Variants in CADM2 observed in about 807,000 individuals in gnomAD.
CADM2 encodes the protein immunoglobulin superfamily member 4D.
CADM2 carries 12 observed loss-of-function variants against 49.8 expected under a neutral mutation model. The ratio of observed to expected loss-of-function variants is 0.24; its 90% CI spans 0.15 to 0.39. CADM2 has a LOEUF of 0.39. Among genes scored for constraint, CADM2 ranks in the 10% least tolerant of loss-of-function variants. The probability of loss-of-function intolerance (pLI) is 1.00; values close to 1 mark genes in which losing one functional copy is unlikely to be tolerated. For synonymous variants in CADM2, 214 were observed against 175.4 expected (o/e 1.22, Z -1.74); for missense variants, 378 against 492.3 (o/e 0.77, Z 2.20).
intron 1 of CADM2, among the ~76,000 whole-genome samples, chr3:85,690,820 G>A (rs55745234): frequency 0.42 from 63,837 of 151,864 alleles, 13,472 homozygotes; most frequent in South Asian, 0.49. Context: ...CATATTTATG[G>A]TACAGTGCGA....
At chr3:85,615,114 CTTTA>C (rs1196230555) in intron 1 of CADM2, among the ~76,000 whole-genome samples, 1 of 151,692 alleles carries the variant, frequency 6.6e-6, no homozygotes, top group Non-Finnish European at 1.5e-5. Flanking sequence ...TTCTCATACT[CTTTA>C]TTTATTTATA....
At chr3:85,394,985 T>C (rs1026168034) in intron 1 of CADM2, among the ~76,000 whole-genome samples, 3 of 152,154 alleles carry the variant, frequency 2.0e-5, no homozygotes, top group South Asian at 4.1e-4. Context: ...TAACATTTAA[T>C]GTATGATACT....
intron 1 of CADM2, among the ~76,000 whole-genome samples, chr3:85,641,272 T>C (rs1334219764): frequency 6.6e-6 from 1 of 152,174 alleles, no homozygotes; most frequent in African/African-American, 2.4e-5. Flanking sequence ...GAAAATATTT[T>C]TCCAATTCAG....
intron 1 of CADM2, among the ~76,000 whole-genome samples, chr3:85,639,455 T>G (rs1454463281): frequency 6.6e-6 from 1 of 152,164 alleles, no homozygotes; most frequent in Non-Finnish European, 1.5e-5. Flanking sequence ...TGAAACAAAC[T>G]TCTCCATCAC....
At chr3:85,053,200 G>C (rs1576122001) in intron 1 of CADM2, among the ~76,000 whole-genome samples, 1 of 152,128 alleles carries the variant, frequency 6.6e-6, no homozygotes, top group African/African-American at 2.4e-5. Context: ...AAAGTTTGAA[G>C]TTACTATAAG....
chr3:85,592,493 G>A (rs2063133973), intron 1 of CADM2, among the ~76,000 whole-genome samples: 1 of 151,936 alleles, frequency 6.6e-6, no homozygotes, highest in Admixed American at 6.6e-5. Context: ...CTTAGTAACT[G>A]AACAGAACTT....
At chr3:85,926,338 A>G (rs998466848) in intron 6 of CADM2, among the ~76,000 whole-genome samples, 16 of 152,002 alleles carry the variant, frequency 1.1e-4, no homozygotes, top group African/African-American at 3.6e-4. Flanking sequence ...TTAGATGTTA[A>G]TTGCTATTCT....
rs752550127 is a variant in CADM2 at position 85,897,241 on chromosome 3, C to CTTTTTTTT, written c.529+10946_529+10953dup. 2.4e-3 allele frequency among the ~76,000 whole-genome samples: 110 copies of CTTTTTTTT among 45,928 alleles called. 25 individuals carry two copies. The highest frequency in any genetic ancestry group is 3.5e-3 in the East Asian group (5 of 1,414). The allele number at this position is 45,928 out of a possible 152,430, so 30.1% of individuals were successfully genotyped here. The stretch of plus-strand genomic sequence containing the variant: ...CAACAATAATTGCTTTAACCTACAT[C>CTTTTTTTT]TTTTTTTTTTTTTTTTTTTTTTTTT... On this transcript the variant is annotated intron_variant, in intron 5 of 9. Transcript: ENST00000383699.
chr3:85,489,298 C>T (rs1386968966), intron 1 of CADM2, among the ~76,000 whole-genome samples: 1 of 152,044 alleles, frequency 6.6e-6, no homozygotes, highest in Non-Finnish European at 1.5e-5. Flanking sequence ...TGTGATTAGA[C>T]TGATGGAGAA....
chr3:85,428,349 T>A (rs2036509139), intron 1 of CADM2, among the ~76,000 whole-genome samples: 1 of 146,286 alleles, frequency 6.8e-6, no homozygotes, highest in Non-Finnish European at 1.5e-5. Flanking sequence ...TATTTTCATA[T>A]ATTCATATAT....
chr3:85,655,625 T>A (rs2065174455), intron 1 of CADM2, among the ~76,000 whole-genome samples: 2 of 152,166 alleles, frequency 1.3e-5, no homozygotes, highest in Admixed American at 1.3e-4. Flanking sequence ...TGAGAATTCT[T>A]GTACAGATGG....
chr3:85,218,220 G>A (rs913716131), intron 1 of CADM2, among the ~76,000 whole-genome samples: 4 of 152,072 alleles, frequency 2.6e-5, no homozygotes, highest in Admixed American at 6.6e-5. Context: ...TCACCTGGAA[G>A]TGAGTTATAT....
chr3:85,470,305 G>A (rs1397168860), intron 1 of CADM2, among the ~76,000 whole-genome samples: 1 of 152,130 alleles, frequency 6.6e-6, no homozygotes, highest in Admixed American at 6.5e-5. Flanking sequence ...GCAAGCAAGG[G>A]CCATGTGGTC....
At chr3:85,668,019 A>T (rs1386999232) in intron 1 of CADM2, among the ~76,000 whole-genome samples, 1 of 152,072 alleles carries the variant, frequency 6.6e-6, no homozygotes, top group Non-Finnish European at 1.5e-5. Context: ...GTTGACTCAT[A>T]GTAGACCTTC....
chr3:85,797,000 A>G (rs900300745), intron 2 of CADM2, among the ~76,000 whole-genome samples: 4 of 151,988 alleles, frequency 2.6e-5, no homozygotes, highest in South Asian at 2.1e-4. Context: ...GAGGCTGAGC[A>G]GGAGAATCAC....
At chr3:85,733,752 A>G (rs1253793600) in intron 2 of CADM2, among the ~76,000 whole-genome samples, 1 of 152,190 alleles carries the variant, frequency 6.6e-6, no homozygotes, top group African/African-American at 2.4e-5. Flanking sequence ...TCATTTCTAC[A>G]ATAAATAAAT....
At chr3:86,051,337 G>A (rs937702174) in intron 8 of CADM2, among the ~76,000 whole-genome samples, 2 of 152,098 alleles carry the variant, frequency 1.3e-5, no homozygotes, top group Non-Finnish European at 2.9e-5. Context: ...CCTCAGCCTG[G>A]AGTTCATTGT....
chr3:85,995,471 T>C (rs1362455830), intron 8 of CADM2, among the ~76,000 whole-genome samples: 5 of 152,148 alleles, frequency 3.3e-5, no homozygotes, highest in African/African-American at 1.2e-4. Flanking sequence ...ATAATACCCC[T>C]GAATAATTTT....
intron 3 of CADM2, among the ~76,000 whole-genome samples, chr3:85,805,987 C>A (rs2072388019): frequency 6.6e-6 from 1 of 152,168 alleles, no homozygotes; most frequent in African/African-American, 2.4e-5. Flanking sequence ...GATTTTCAAA[C>A]ACAGTCTTCC....
Sources: allele counts gnomAD v4.1 joint callset (sites outside exome capture counted in the v4.1 genomes callset), GRCh38; gene constraint gnomAD v4.1.1; transcripts MANE v1.5; gene names NCBI Gene and HGNC (gene_info 2026-07-23, HGNC 2026-07-21).